Variants in TLK2 observed in about 807,000 individuals in gnomAD.
The protein encoded by TLK2 is tousled like kinase 2.
A neutral mutation model predicts 117.3 loss-of-function variants in TLK2; 6 were observed. The ratio of observed to expected loss-of-function variants is 0.05; its 90% CI spans 0.03 to 0.10. TLK2 has a LOEUF of 0.10. TLK2 is among the 10% of genes least tolerant of loss of function. The pLI is 1.00. For missense variants in TLK2, 299 were observed against 901.2 expected (o/e 0.33, Z 8.56); for synonymous variants, 257 against 316.7 (o/e 0.81, Z 2.00).
chr17:62,556,195 G>A (rs1320230831), intron 9 of TLK2, among the ~76,000 whole-genome samples: 2 of 152,176 alleles, frequency 1.3e-5, no homozygotes, highest in East Asian at 1.9e-4. Flanking sequence ...GATTACAGGC[G>A]TGAGTCACTG....
chr17:62,607,403 C>T (rs1598909281), intron 20 of TLK2, among the ~76,000 whole-genome samples: 1 of 151,088 alleles, frequency 6.6e-6, no homozygotes, highest in Non-Finnish European at 1.5e-5. Flanking sequence ...GTGGCGGGTG[C>T]CTGTAGTCCC....
chr17:62,590,601 TTAA>T lies in TLK2; in HGVS notation c.1460+4376_1460+4378del, dbSNP rs72246960. On this transcript the variant is annotated intron_variant, in intron 16 of 21. Coordinates refer to ENST00000346027, the MANE Select transcript of TLK2 (RefSeq NM_006852.6). ...GTAGGAGATTATTTGGACATAGCGA[TTAA>T]CCCTCTTAATCAGGTGCCACCTCCT... is the stretch of plus-strand genomic sequence containing the variant. Among the ~76,000 whole-genome samples the T allele has an allele frequency of 6.8e-3, 1,043 of 152,308 alleles. 7 individuals carry two copies. The highest frequency in any genetic ancestry group is 0.023 in the African/African-American group (970 of 41,564).
chr17:62,537,891 T>C (rs1394559388), intron 7 of TLK2, among the ~76,000 whole-genome samples: 1 of 152,082 alleles, frequency 6.6e-6, no homozygotes, highest in Non-Finnish European at 1.5e-5. Context: ...TATATAATAT[T>C]GTGAGAGGGA....
At chr17:62,562,700 C>G (rs1171853826) in intron 10 of TLK2, among the ~76,000 whole-genome samples, 1 of 152,124 alleles carries the variant, frequency 6.6e-6, no homozygotes, top group African/African-American at 2.4e-5. Flanking sequence ...ATTTGTTACA[C>G]CAATAGAAAT....
intron 1 of TLK2, among the ~76,000 whole-genome samples, chr17:62,471,672 G>A (rs1342615454): frequency 1.6e-5 from 2 of 124,582 alleles, no homozygotes; most frequent in Non-Finnish European, 3.6e-5. Flanking sequence ...AGCCAGCGTC[G>A]GCTCGGCCCG....
At chr17:62,604,441 C>T (rs1197263797) in intron 19 of TLK2, among the ~76,000 whole-genome samples, 2 of 151,968 alleles carry the variant, frequency 1.3e-5, no homozygotes, top group African/African-American at 4.8e-5. Flanking sequence ...AGTTTAGTAT[C>T]ATAGAGCTGT....
chr17:62,537,258 A>G (rs145601069), intron 7 of TLK2, among the ~76,000 whole-genome samples: 210 of 152,370 alleles, frequency 1.4e-3, no homozygotes, highest in African/African-American at 4.8e-3. Context: ...TCTTAAGGAA[A>G]GGAAATAGAA....
At chr17:62,491,514 A>G (rs1478021770) in intron 2 of TLK2, among the ~76,000 whole-genome samples, 1 of 152,142 alleles carries the variant, frequency 6.6e-6, no homozygotes, top group African/African-American at 2.4e-5. Flanking sequence ...GATCCTGGCT[A>G]CTACTAGATG....
intron 11 of TLK2, among the ~76,000 whole-genome samples, chr17:62,570,990 G>C (rs541181353): frequency 1.3e-5 from 2 of 152,324 alleles, no homozygotes; most frequent in Admixed American, 6.5e-5. Flanking sequence ...GGAGTTCAGA[G>C]TGTCTTACAT....
chr17:62,584,931 A>G (rs2081500993), intron 15 of TLK2, among the ~76,000 whole-genome samples: 1 of 152,250 alleles, frequency 6.6e-6, no homozygotes, highest in Non-Finnish European at 1.5e-5. Context: ...GGGTGATAAC[A>G]GTGTTGAAAC....
chr17:62,541,208 G>A (rs2077508377), intron 7 of TLK2, among the ~76,000 whole-genome samples: 1 of 152,144 alleles, frequency 6.6e-6, no homozygotes, highest in Non-Finnish European at 1.5e-5. Flanking sequence ...GCCCTGCGTT[G>A]TTTTTCTCCT....
chr17:62,493,397 CT>C (rs2073315693), intron 2 of TLK2, among the ~76,000 whole-genome samples: 1 of 152,200 alleles, frequency 6.6e-6, no homozygotes, highest in Non-Finnish European at 1.5e-5. Context: ...CCTCGGGTTA[CT>C]TTTACCATTT....
chr17:62,608,333 C>T (rs1427673141), intron 21 of TLK2, among the ~76,000 whole-genome samples, 185 bp downstream of exon 21: 1 of 152,168 alleles, frequency 6.6e-6, no homozygotes, highest in Admixed American at 6.5e-5. Context: ...CCTGACCACC[C>T]CATCCCCAGT....
chr17:62,499,863 G>GA (rs542108105), intron 2 of TLK2, among the ~76,000 whole-genome samples: 7 of 149,418 alleles, frequency 4.7e-5, no homozygotes, highest in Non-Finnish European at 8.9e-5. Flanking sequence ...AAAAAAAAAA[G>GA]AAAAAAAGAA....
chr17:62,536,732 G>T (rs1040515677), intron 7 of TLK2, among the ~76,000 whole-genome samples: 2 of 152,084 alleles, frequency 1.3e-5, no homozygotes, highest in African/African-American at 4.8e-5. Context: ...TACAGTTTTA[G>T]TATGTAGGCA....
chr17:62,528,664 G>A (rs907972285), intron 6 of TLK2, among the ~76,000 whole-genome samples: 2 of 152,022 alleles, frequency 1.3e-5, no homozygotes, highest in African/African-American at 4.8e-5. Flanking sequence ...TAATCCACCC[G>A]CCTCAGCCTC....
At chr17:62,604,584 T>C (rs1409152131) in intron 19 of TLK2, among the ~76,000 whole-genome samples, 1 of 152,144 alleles carries the variant, frequency 6.6e-6, no homozygotes, top group African/African-American at 2.4e-5. Flanking sequence ...TTGCCAGACA[T>C]GTACAATCAA....
Position 62,613,581 on chromosome 17 carries a change from G to C in TLK2, c.*1016G>C, listed in dbSNP as rs1267640835. ...TGGGAGCCAGACACTCCAGGGATCA[G>C]TAGTTCCTACCCATAGTCTTTGTGT... On this transcript the variant is annotated 3_prime_UTR_variant, in exon 22 of 22. Coordinates refer to ENST00000346027, the MANE Select transcript of TLK2 (RefSeq NM_006852.6). 6.6e-6 allele frequency: 1 copy of C among 152,540 alleles called. No individual in the cohort carries two copies. The highest frequency in any genetic ancestry group is 2.4e-5 in the African/African-American group (1 of 41,448). The allele number at this position is 152,540 out of a possible 1,614,324, so 9.4% of individuals were successfully genotyped here.
chr17:62,495,625 CTAGG>C (rs1330782844), intron 2 of TLK2, among the ~76,000 whole-genome samples: 1 of 139,022 alleles, frequency 7.2e-6, no homozygotes, highest in Non-Finnish European at 1.5e-5. Context: ...TTCTTGAAGT[CTAGG>C]TATGTGGTAA....
Sources: gnomAD v4.1 joint callset for allele counts (sites outside exome capture counted in the v4.1 genomes callset) on GRCh38, gnomAD v4.1.1 for gene constraint, MANE v1.5 for transcripts, NCBI Gene and HGNC (gene_info 2026-07-23, HGNC 2026-07-21) for gene names.